Variants in PTBP2 observed in about 807,000 individuals in gnomAD.
PTBP2 encodes polypyrimidine tract binding protein 2.
Under a neutral mutation model 61.4 loss-of-function variants are expected in PTBP2, and 13 were observed. The observed-to-expected ratio is 0.21, with a 90% CI of 0.14 to 0.34. The LOEUF (loss-of-function observed/expected upper bound fraction) is 0.34, where lower values mean the gene tolerates loss of function less well. Ranked by LOEUF, PTBP2 falls within the 10% of genes least tolerant of loss-of-function variation. The pLI, the probability that PTBP2 is intolerant of heterozygous loss-of-function variation, is 1.00. For missense variants in PTBP2, 405 were observed against 642.6 expected, an observed-to-expected ratio of 0.63 and a Z score of 4.00; for synonymous variants, 215 against 218.5, an observed-to-expected ratio of 0.98 and a Z score of 0.14.
chr1:96,811,013 TTAAAA>T (rs1216708031), intron 11 of PTBP2, among the ~76,000 whole-genome samples: 2 of 151,996 alleles, frequency 1.3e-5, no homozygotes, highest in African/African-American at 4.8e-5. Context: ...CTGAGAAAAC[TTAAAA>T]TATATAACAC....
At chr1:96,755,571 C>T (rs1655058339) in intron 3 of PTBP2, among the ~76,000 whole-genome samples, 1 of 152,112 alleles carries the variant, frequency 6.6e-6, no homozygotes. Context: ...AAATGTGAAA[C>T]AAACATTCAT....
At chr1:96,766,299 A>T (rs1157893123) in intron 3 of PTBP2, among the ~76,000 whole-genome samples, 1 of 152,392 alleles carries the variant, frequency 6.6e-6, no homozygotes, top group African/African-American at 2.4e-5. Flanking sequence ...TTACATTCAT[A>T]TACAATGAAT....
chr1:96,722,358 T>C (rs1487847416), intron 1 of PTBP2, among the ~76,000 whole-genome samples: 2 of 151,608 alleles, frequency 1.3e-5, no homozygotes, highest in Admixed American at 6.6e-5. Flanking sequence ...GAGCAACCTC[T>C]CCGGCCTCGC....
At chr1:96,803,408 C>G (rs1242843738) in intron 8 of PTBP2, among the ~76,000 whole-genome samples, 1 of 146,270 alleles carries the variant, frequency 6.8e-6, no homozygotes, top group African/African-American at 2.5e-5. Context: ...AAAAAGGGAG[C>G]AAAGTAAGAA....
intron 3 of PTBP2, among the ~76,000 whole-genome samples, chr1:96,754,551 G>T (rs182761228): frequency 3.9e-5 from 6 of 152,198 alleles, no homozygotes; most frequent in Admixed American, 2.6e-4. Context: ...ATAAAAAGAA[G>T]TATAACGAAA....
intron 5 of PTBP2, among the ~76,000 whole-genome samples, chr1:96,772,759 T>G (rs972257957): frequency 4.6e-5 from 7 of 152,112 alleles, no homozygotes; most frequent in Non-Finnish European, 8.8e-5. Context: ...TTCGTTATTA[T>G]TTAAGTAATT....
At chr1:96,815,201 T>C (rs935559634), downstream of PTBP2, 40 of 151,930 alleles carry the variant, frequency 2.6e-4, no homozygotes, top group Non-Finnish European at 5.3e-4. Flanking sequence ...TGTTGTTTTT[T>C]TTTTTTTTCC....
At chr1:96,724,581 A>G (rs986362421) in intron 2 of PTBP2, among the ~76,000 whole-genome samples, 7 of 150,926 alleles carry the variant, frequency 4.6e-5, no homozygotes, top group Non-Finnish European at 8.8e-5. Context: ...GTCATTTTTC[A>G]TTTGCAAGCC....
chr1:96,773,450 C>A (rs1353159938), intron 5 of PTBP2, among the ~76,000 whole-genome samples: 1 of 152,102 alleles, frequency 6.6e-6, no homozygotes, highest in Non-Finnish European at 1.5e-5. Context: ...AAAAATACGT[C>A]ACTATATGCT....
At chr1:96,796,809 G>T (rs1417850476) in intron 8 of PTBP2, among the ~76,000 whole-genome samples, 1 of 152,004 alleles carries the variant, frequency 6.6e-6, no homozygotes, top group East Asian at 1.9e-4. Context: ...ATAGAAAGGG[G>T]GTCACCATAA....
chr1:96,732,971 A>G (rs1474487360), intron 2 of PTBP2, among the ~76,000 whole-genome samples: 1 of 151,300 alleles, frequency 6.6e-6, no homozygotes, highest in Admixed American at 6.6e-5. Context: ...TATTCTATAT[A>G]CCTGTAATTT....
chr1:96,760,418 A>C (rs1655671049), intron 3 of PTBP2, among the ~76,000 whole-genome samples: 1 of 151,488 alleles, frequency 6.6e-6, no homozygotes, highest in African/African-American at 2.4e-5. Flanking sequence ...TGAGTATATA[A>C]CATAGTTGGG....
intron 2 of PTBP2, among the ~76,000 whole-genome samples, chr1:96,725,444 C>T (rs537975130): frequency 7.9e-5 from 12 of 151,934 alleles, no homozygotes; most frequent in South Asian, 6.2e-4. Context: ...GGACTACAGG[C>T]GCCCACCACC....
intron 5 of PTBP2, 72 bp downstream of exon 5, chr1:96,770,923 G>T (rs1434501972): frequency 8.3e-6 from 11 of 1,323,462 alleles, no homozygotes; most frequent in Non-Finnish European, 1.2e-5. Flanking sequence ...TAATAGGAAG[G>T]AAATGTTTAC....
In PTBP2 at chr1:96,746,864, T is replaced by A. The variant is rs1264466243; in HGVS notation, c.40-4561T>A. On this transcript the variant is annotated intron_variant, in intron 2 of 13. Transcript: ENST00000674951. ...CCCTCCCTCCCTCCCCCTCCCTCCG[T>A]CCGTCTGTCCCTCCCTCCCTCCCTC... Among the ~76,000 whole-genome samples, 3 of 66,814 alleles carry A rather than the reference T, an allele frequency of 4.5e-5. No homozygotes were observed. The East Asian group carries it at 1.5e-3, about 34-fold the overall frequency. The allele number at this position is 66,814 out of a possible 152,430, so 43.8% of individuals were successfully genotyped here.
At chr1:96,780,172 A>C (rs1557745889) in intron 7 of PTBP2, among the ~76,000 whole-genome samples, 1 of 152,060 alleles carries the variant, frequency 6.6e-6, no homozygotes. Flanking sequence ...AATAAACACC[A>C]AAGCCTATCG....
Position 96,800,784 on chromosome 1 carries a change from C to A in PTBP2, c.905-4016C>A, listed in dbSNP as rs187089746. Among the ~76,000 whole-genome samples the A allele has an allele frequency of 9.8e-4, 149 of 152,004 alleles. 1 individual carries two copies. The East Asian group carries it at 0.02, about 20-fold the overall frequency. On this transcript the variant is annotated intron_variant, in intron 8 of 13. Transcript: ENST00000674951. Reference sequence around the variant, plus strand: ...GCCTAGGCTTTTAATTCTCAATTACCATTATAAATTTATTTTAATTATTAA... The same window carrying A: ...GCCTAGGCTTTTAATTCTCAATTACAATTATAAATTTATTTTAATTATTAA...
chr1:96,806,784 T>C (rs1457716856), intron 10 of PTBP2, 82 bp from the exon 11 acceptor site: 15 of 966,246 alleles, frequency 1.6e-5, no homozygotes, highest in Admixed American at 4.3e-5. Context: ...GTTTCATTGA[T>C]ATGTCAGAAA....
chr1:96,812,962 T>C, intron 12 of PTBP2, 34 bp downstream of exon 12: 1 of 1,584,078 alleles, frequency 6.3e-7, no homozygotes, highest in South Asian at 1.1e-5. Context: ...TTGAGATACA[T>C]TCTATTTTGA....
Sources: allele counts gnomAD v4.1 joint callset (sites outside exome capture counted in the v4.1 genomes callset), GRCh38; gene constraint gnomAD v4.1.1; transcripts MANE v1.5; gene names NCBI Gene and HGNC (gene_info 2026-07-23, HGNC 2026-07-21).